SRPK2: variants seen among roughly 807,000 people sequenced by gnomAD.
SRPK2 encodes SRSF protein kinase 2.
SRPK2 carries 21 observed loss-of-function variants against 90.8 expected under a neutral mutation model. That is an observed-to-expected ratio of 0.23 (90% confidence interval 0.16 to 0.33). The LOEUF (loss-of-function observed/expected upper bound fraction) is 0.33. Ranked by LOEUF, SRPK2 falls within the 10% of genes least tolerant of loss-of-function variation. The pLI, the probability that SRPK2 is intolerant of heterozygous loss-of-function variation, is 1.00. For missense variants in SRPK2, 620 were observed against 869.0 expected (o/e 0.71, Z 3.60); for synonymous variants, 288 against 311.1 (o/e 0.93, Z 0.78).
intron 3 of SRPK2, among the ~76,000 whole-genome samples, chr7:105,202,377 T>C (rs73715442): frequency 0.012 from 1,812 of 152,332 alleles, 30 homozygotes; most frequent in African/African-American, 0.042. Flanking sequence ...ATTCTAATGC[T>C]ATATAGAATC....
chr7:105,260,999 T>C (rs1804164664), intron 2 of SRPK2, among the ~76,000 whole-genome samples: 1 of 142,436 alleles, frequency 7.0e-6, no homozygotes, highest in African/African-American at 2.6e-5. Flanking sequence ...AACCTGCACA[T>C]TGTGCATATG....
rs1379312214 is a variant in SRPK2, at chr7:105,160,618, GAC to G, written c.515-7_515-6del. The G allele has an allele frequency of 5.6e-6, 9 of 1,592,928 alleles. No individual in the cohort carries two copies. The highest frequency in any genetic ancestry group is 7.8e-6 in the Non-Finnish European group (9 of 1,160,876). ...CTTCGAAGACCATGCAGACATCTGG[GAC>G]ACAGTTAAGGATCGTTTGTGGATGC... On this transcript the variant is annotated splice_polypyrimidine_tract_variant and splice_region_variant and intron_variant, in intron 6 of 15. Transcript: ENST00000393651.
chr7:105,118,972 A>C (rs1038248803), intron 15 of SRPK2, among the ~76,000 whole-genome samples: 2 of 152,160 alleles, frequency 1.3e-5, no homozygotes, highest in Non-Finnish European at 2.9e-5. Context: ...TTCACTGTGA[A>C]TAACTCGTTT....
At chr7:105,293,457 G>T (rs1809343559) in intron 2 of SRPK2, among the ~76,000 whole-genome samples, 1 of 151,656 alleles carries the variant, frequency 6.6e-6, no homozygotes, top group East Asian at 1.9e-4. Flanking sequence ...TTTTTTGTGG[G>T]GGGGTGGGAG....
At chr7:105,204,576 T>A in intron 2 of SRPK2, 1 of 484,650 alleles carries the variant, frequency 2.1e-6, no homozygotes, top group Non-Finnish European at 3.9e-6. Context: ...CTAATAAAAC[T>A]ACCACTGAAT....
intron 2 of SRPK2, among the ~76,000 whole-genome samples, chr7:105,319,079 T>A (rs1341028045): frequency 6.6e-6 from 1 of 152,208 alleles, no homozygotes; most frequent in Admixed American, 6.5e-5. Context: ...ATTAAATCTG[T>A]TGCATCTTTT....
At chr7:105,168,138 C>T in intron 4 of SRPK2, 43 bp from the exon 5 acceptor site, 3 of 1,482,336 alleles carry the variant, frequency 2.0e-6, no homozygotes, top group Non-Finnish European at 2.8e-6. Context: ...TCTATATTAT[C>T]AGTAGAAAGA....
intron 2 of SRPK2, among the ~76,000 whole-genome samples, chr7:105,294,447 T>A (rs995948784): frequency 6.6e-6 from 1 of 152,214 alleles, no homozygotes. Context: ...AAGGCTACCA[T>A]CCCTTGTGAG....
At chr7:105,365,173 T>C (rs770170021) in intron 2 of SRPK2, among the ~76,000 whole-genome samples, 2 of 152,052 alleles carry the variant, frequency 1.3e-5, no homozygotes, top group African/African-American at 2.4e-5. Context: ...GGCACTTCCA[T>C]CTAATGGGGC....
chr7:105,395,472 G>A (rs1195993725), intron 1 of SRPK2, among the ~76,000 whole-genome samples: 3 of 151,658 alleles, frequency 2.0e-5, no homozygotes, highest in African/African-American at 7.3e-5. Context: ...GCTCATGCCT[G>A]TAATCCCAGC....
chr7:105,160,701 A>G, intron 6 of SRPK2, 88 bp from the exon 7 acceptor site: 1 of 695,538 alleles, frequency 1.4e-6, no homozygotes, highest in Non-Finnish European at 2.6e-6. Flanking sequence ...CTTGCAAAGC[A>G]CTTATTACTT....
intron 2 of SRPK2, among the ~76,000 whole-genome samples, chr7:105,222,512 A>G (rs1298975818): frequency 1.3e-5 from 2 of 152,370 alleles, no homozygotes; most frequent in African/African-American, 2.4e-5. Flanking sequence ...TTAAGCAGAA[A>G]ATAGTTTTTT....
chr7:105,157,791 A>G (rs977531264), intron 7 of SRPK2, among the ~76,000 whole-genome samples: 2 of 152,200 alleles, frequency 1.3e-5, no homozygotes, highest in Non-Finnish European at 2.9e-5. Flanking sequence ...TAACACACGC[A>G]TTGGCCAGGT....
chr7:105,377,040 A>C (rs902824978), intron 2 of SRPK2, among the ~76,000 whole-genome samples: 1 of 152,118 alleles, frequency 6.6e-6, no homozygotes, highest in African/African-American at 2.4e-5. Context: ...AGATAGTTCC[A>C]GCTATAGTCT....
chr7:105,129,157 T>C (rs1296630374), intron 13 of SRPK2, among the ~76,000 whole-genome samples: 1 of 152,006 alleles, frequency 6.6e-6, no homozygotes, highest in Admixed American at 6.5e-5. Context: ...TTTCACCATG[T>C]TAGCCTGACC....
At position 105,203,798 on chromosome 7, in the gene SRPK2, A is replaced by G. The variant is rs770864766; in HGVS notation, c.72-13T>C. 6 of 1,561,020 alleles carry G rather than the reference A, an allele frequency of 3.8e-6. No homozygotes were observed. The African/African-American group carries it at 6.8e-5, about 18-fold the overall frequency. ...TTGAGGCTCCGGCCTGAAAGAGCAG[A>G]GAGAAAATTGCTATTTACTTAGAAG... is the stretch of plus-strand genomic sequence containing the variant. On this transcript the variant is annotated splice_polypyrimidine_tract_variant and intron_variant, in intron 2 of 15. Coordinates refer to ENST00000393651, the MANE Select transcript of SRPK2 (RefSeq NM_182692.3).
At chr7:105,283,514 G>A (rs550290694) in intron 2 of SRPK2, among the ~76,000 whole-genome samples, 117 of 152,218 alleles carry the variant, frequency 7.7e-4, no homozygotes, top group African/African-American at 2.6e-3. Context: ...AAGAAGCCAG[G>A]CACATAACAA....
At chr7:105,135,426 G>A (rs902218716) in intron 11 of SRPK2, among the ~76,000 whole-genome samples, 2 of 152,218 alleles carry the variant, frequency 1.3e-5, no homozygotes, top group Non-Finnish European at 2.9e-5. Context: ...ACTGGTCAGT[G>A]AGGGACCAGA....
At chr7:105,168,452 C>G (rs762738189) in intron 4 of SRPK2, among the ~76,000 whole-genome samples, 3 of 152,122 alleles carry the variant, frequency 2.0e-5, no homozygotes, top group Non-Finnish European at 4.4e-5. Context: ...ATCCAAAACA[C>G]TTCTGGTCTC....
Sources: gnomAD v4.1 joint callset for allele counts (sites outside exome capture counted in the v4.1 genomes callset) on GRCh38, gnomAD v4.1.1 for gene constraint, MANE v1.5 for transcripts, NCBI Gene and HGNC (gene_info 2026-07-23, HGNC 2026-07-21) for gene names.